The following VWA5B1 variants were observed in gnomAD, a reference collection of about 807,000 sequenced individuals.
The protein encoded by VWA5B1 is von Willebrand factor A domain-containing protein 5B1.
Under a neutral mutation model 118.2 loss-of-function variants are expected in VWA5B1, and 115 were observed. That is an observed-to-expected ratio of 0.97 (90% CI 0.84 to 1.14). VWA5B1 has a LOEUF of 1.14. Ranked by LOEUF, VWA5B1 falls within the 50% of genes most tolerant of loss-of-function variation. The pLI is 0.00. For synonymous variants in VWA5B1, 682 were observed against 658.4 expected (o/e 1.04, Z -0.55); for missense variants, 1,596 against 1,603.8 (o/e 1.00, Z 0.08).
chr1:20,293,217 A>G (rs916404570), intron 1 of VWA5B1, among the ~76,000 whole-genome samples: 3 of 152,212 alleles, frequency 2.0e-5, no homozygotes, highest in Non-Finnish European at 4.4e-5. Context: ...CCCAGAGGGA[A>G]GAAGCACTTT....
rs1005786450 is a variant in VWA5B1, at chr1:20,330,871, G to A, written c.1460G>A (p.Cys487Tyr). Residue 487 changes from cysteine (C) to tyrosine (Y), a missense_variant and splice_region_variant, in exon 11 of 22, where the codon TGC (cysteine) becomes TAC (tyrosine). By Grantham distance (194) the Cys-to-Tyr change is radical (BLOSUM62 -2). Coordinates refer to ENST00000289815, the MANE Select transcript of VWA5B1 (RefSeq NM_001039500.3). ...CCTCTCTTCTCCCTTTCCGCCAGGT[G>A]CTATAGCTTTGGAATTGGACCCAAC... ...LVRNHAFSTRCYSFGIGPNVC... is the reference protein window; with the variant it reads ...LVRNHAFSTRYYSFGIGPNVC... The A allele has an allele frequency of 3.0e-5, 46 of 1,551,606 alleles. No individual in the cohort carries two copies. Among genetic ancestry groups the A allele is most frequent in the Non-Finnish European group, 3.7e-5 (43 of 1,146,994 alleles).
At position 20,348,337 on chromosome 1, in the gene VWA5B1, GA is replaced by G; in HGVS notation, c.2859del (p.Asp954IlefsTer45). The G allele has an allele frequency of 2.6e-6, 4 of 1,551,652 alleles. No individual in the cohort carries two copies. The South Asian group carries it at 4.8e-5, about 18-fold the overall frequency. ...GFGRPQTMLG[E>X]DSAPGNDMEA... is the part of the protein sequence containing the mutation. ...TGGAAGGCCGCAGACGATGCTTGGA[GA>G]AGATTCGGCACCAGGAAATGGTAAA... On this transcript the variant is annotated frameshift_variant, in exon 18 of 22. Coordinates refer to ENST00000289815, the MANE Select transcript of VWA5B1 (RefSeq NM_001039500.3). LOFTEE classifies it high-confidence loss of function.
chr1:20,303,991 T>C lies in VWA5B1; in HGVS notation c.-26-6585T>C, dbSNP rs115861739. Among the ~76,000 whole-genome samples the C allele has an allele frequency of 1.1e-3, 162 of 152,262 alleles. 1 individual carries two copies. Among genetic ancestry groups the C allele is most frequent in the African/African-American group, 3.7e-3 (152 of 41,548 alleles). On this transcript the variant is annotated intron_variant, in intron 1 of 21. Coordinates refer to ENST00000289815, the MANE Select transcript of VWA5B1 (RefSeq NM_001039500.3). The stretch of plus-strand genomic sequence containing the variant: ...TGGCTTTTGGACCTCCATCTGAACC[T>C]GGAAATTGGGAGTAGATGTATTAGC...
chr1:20,298,907 T>A (rs1278954787), intron 1 of VWA5B1, among the ~76,000 whole-genome samples: 2 of 152,134 alleles, frequency 1.3e-5, no homozygotes, highest in Non-Finnish European at 2.9e-5. Context: ...TGGATTTTGC[T>A]ATGGCACAGT....
In VWA5B1 at chr1:20,327,994, C is replaced by T. The variant is rs764955204; in HGVS notation, c.1248C>T (p.Tyr416=). Residue 416 remains tyrosine (Y), a synonymous_variant, in exon 9 of 22, where the codon TAC becomes TAT. Coordinates refer to ENST00000289815, the MANE Select transcript of VWA5B1 (RefSeq NM_001039500.3). The stretch of plus-strand genomic sequence containing the variant: ...GCCTTTTTCCTTCCAGCCAGACCTA[C>T]AGTGAGGTAATGAGGGGGCAAGGCT... ...FKSLFPSSQT[Y]SEDSLAMACD... 9 of 1,551,304 alleles carry T rather than the reference C, an allele frequency of 5.8e-6. No individual in the cohort carries two copies. The highest frequency in any genetic ancestry group is 7.8e-6 in the Non-Finnish European group (9 of 1,146,870).
At chr1:20,327,063 A>T (rs1393577524) in intron 8 of VWA5B1, among the ~76,000 whole-genome samples, 3 of 150,288 alleles carry the variant, frequency 2.0e-5, no homozygotes, top group Non-Finnish European at 3.0e-5. Context: ...TTCTACCATC[A>T]CCTCCACCTC....
chr1:20,344,140 C>T (rs2089959102), intron 16 of VWA5B1, among the ~76,000 whole-genome samples: 1 of 151,344 alleles, frequency 6.6e-6, no homozygotes, highest in Admixed American at 6.6e-5. Context: ...TTCCCCCTGC[C>T]TCCGAGTAAG....
chr1:20,302,105 G>C (rs2088518582), intron 1 of VWA5B1, among the ~76,000 whole-genome samples: 1 of 152,082 alleles, frequency 6.6e-6, no homozygotes. Context: ...CAGACACCGT[G>C]GTGGCTTGGC....
At position 20,348,418 on chromosome 1, in the gene VWA5B1, A is replaced by G. The variant is rs1165310353; in HGVS notation, c.2878+60A>G. ...GCACTTTCGGAAGCCTGGGCCCCTG[A>G]GGTTACCGCGTCCTCCTGTCCGAGG... is the stretch of plus-strand genomic sequence containing the variant. On this transcript the variant is annotated intron_variant, in intron 18 of 21. Coordinates refer to ENST00000289815, the MANE Select transcript of VWA5B1 (RefSeq NM_001039500.3). 4 of 1,516,092 alleles carry G rather than the reference A, an allele frequency of 2.6e-6. No individual in the cohort carries two copies. The African/African-American group carries it at 4.1e-5, about 16-fold the overall frequency. 93.9% of individuals were successfully genotyped at this position (1,516,092 alleles called of 1,614,324 possible).
At position 20,350,735 on chromosome 1, in the gene VWA5B1, G is replaced by A. The variant is rs150388820; in HGVS notation, c.2954-122G>A. ...AGCTCCACAGCCTAATGGTTAGCTC[G>A]AGTCCCTAGGAACTTAGCTAAGCAC... On this transcript the variant is annotated intron_variant, in intron 19 of 21. Transcript: ENST00000289815. 7.9e-4 allele frequency: 699 copies of A among 886,700 alleles called. 9 individuals carry two copies. The highest frequency in any genetic ancestry group is 7.2e-3 in the South Asian group (503 of 69,774). 54.9% of individuals were successfully genotyped at this position (886,700 alleles called of 1,614,324 possible). A position where few individuals can be genotyped will look rare whatever the true frequency, so the allele number is the denominator to read the frequency against.
At chr1:20,348,155 A>T in intron 17 of VWA5B1, 90 bp from the exon 18 acceptor site, 1 of 1,203,146 alleles carries the variant, frequency 8.3e-7, no homozygotes, top group Non-Finnish European at 1.2e-6. Flanking sequence ...GAAAGATTGA[A>T]GCCAGAATCA....
chr1:20,306,550 C>T (rs561016033), intron 1 of VWA5B1, among the ~76,000 whole-genome samples: 8 of 152,328 alleles, frequency 5.3e-5, no homozygotes, highest in Admixed American at 2.0e-4. Context: ...TCTCTACTCA[C>T]GCCTGCCTGT....
chr1:20,307,858 T>A (rs544031227), intron 1 of VWA5B1, among the ~76,000 whole-genome samples: 1 of 146,980 alleles, frequency 6.8e-6, no homozygotes, highest in Admixed American at 6.6e-5. Context: ...TTTGCGTGCA[T>A]GTGTGTGTAT....
chr1:20,305,011 C>T (rs917765191), intron 1 of VWA5B1, among the ~76,000 whole-genome samples: 3 of 152,084 alleles, frequency 2.0e-5, no homozygotes, highest in Non-Finnish European at 4.4e-5. Flanking sequence ...CCTGGCACTA[C>T]TCTGTGGGCA....
At chr1:20,323,166 A>C in intron 7 of VWA5B1, 190 bp from the exon 8 acceptor site, 2 of 430,972 alleles carry the variant, frequency 4.6e-6, no homozygotes, top group Non-Finnish European at 7.8e-6. Context: ...TCTGTCTGCA[A>C]AGTCCATGCT....
intron 1 of VWA5B1, among the ~76,000 whole-genome samples, chr1:20,299,892 T>G (rs573972959): frequency 1.2e-4 from 18 of 152,292 alleles, no homozygotes; most frequent in African/African-American, 4.3e-4. Context: ...CAGAAGCCAG[T>G]GAGAGGTAGA....
chr1:20,330,450 G>T, intron 10 of VWA5B1, 68 bp downstream of exon 10: 1 of 1,526,386 alleles, frequency 6.6e-7, no homozygotes, highest in South Asian at 1.2e-5. Flanking sequence ...CAGAGCCCAA[G>T]GGCAATGTGG....
In VWA5B1 at chr1:20,327,970, C is replaced by G. The variant is rs61739563; in HGVS notation, c.1224C>G (p.Ser408Arg). Residue 408 changes from serine (S) to arginine (R), a missense_variant, in exon 9 of 22, where the codon AGC becomes AGG. By Grantham distance (110) the Ser-to-Arg change is moderately radical (BLOSUM62 -1). Transcript: ENST00000289815. ...NIIGFGSTFK[S>R]LFPSSQTYSE... Reference sequence around the variant, plus strand: ...TTGGGTTTGGATCCACATTTAAGAGCCTTTTTCCTTCCAGCCAGACCTACA... The same window carrying G: ...TTGGGTTTGGATCCACATTTAAGAGGCTTTTTCCTTCCAGCCAGACCTACA... 392 of 1,551,512 alleles carry G rather than the reference C, an allele frequency of 2.5e-4. No individual in the cohort carries two copies. The African/African-American group carries it at 4.0e-3, about 16-fold the overall frequency.
intron 14 of VWA5B1, chr1:20,339,369 C>G (rs894072591): frequency 6.6e-6 from 1 of 152,178 alleles, no homozygotes; most frequent in Non-Finnish European, 1.5e-5. Flanking sequence ...TGGCAAAATC[C>G]TGTCTCTACA....
Sources: gnomAD v4.1 joint callset for allele counts (sites outside exome capture counted in the v4.1 genomes callset) on GRCh38, gnomAD v4.1.1 for gene constraint, MANE v1.5 for transcripts, NCBI Gene and HGNC (gene_info 2026-07-23, HGNC 2026-07-21) for gene names.